Variants in HMX1 observed in about 807,000 individuals in gnomAD.
The protein encoded by HMX1 is H6 family homeobox 1, also known as homeobox protein HMX1.
A neutral mutation model predicts 8.9 loss-of-function variants in HMX1; 8 were observed. The ratio of observed to expected loss-of-function variants is 0.90; its 90% confidence interval spans 0.53 to 1.63. The LOEUF is 1.63. Ranked by LOEUF, HMX1 falls within the 40% of genes most tolerant of loss-of-function variation. The pLI is 0.00. For missense variants in HMX1, 621 were observed against 558.5 expected (o/e 1.11, Z -1.13); for synonymous variants, 311 against 283.4 (o/e 1.10, Z -0.98).
chr4:8,867,842 CCGGGGGCCCAG>C lies in HMX1; in HGVS notation c.887_897del (p.Ala296GlyfsTer80). 1 of 1,235,838 alleles carries C rather than the reference CCGGGGGCCCAG, an allele frequency of 8.1e-7. No homozygotes were observed. The highest frequency in any genetic ancestry group is 1.0e-6 in the Non-Finnish European group (1 of 991,556). 76.6% of individuals were successfully genotyped at this position (1,235,838 alleles called of 1,614,324 possible). ...GGCGCCAGCGGGAAGGGCAGGGTGG[CCGGGGGCCCAG>C]CGGCGGCTGCGGCCGGGGGGCTTTC... On this transcript the variant is annotated frameshift_variant, in exon 2 of 2. Coordinates refer to ENST00000400677, the MANE Select transcript of HMX1 (RefSeq NM_018942.3). LOFTEE classifies it low-confidence loss of function (END_TRUNC).
intron 1 of HMX1, among the ~76,000 whole-genome samples, chr4:8,856,840 A>G (rs996335624): frequency 6.6e-6 from 1 of 152,176 alleles, no homozygotes; most frequent in Non-Finnish European, 1.5e-5. Flanking sequence ...TGTAATCCCA[A>G]CACTTGGGGA....
intron 1 of HMX1, chr4:8,846,378 G>T: frequency 1.5e-6 from 2 of 1,372,772 alleles, no homozygotes; most frequent in Non-Finnish European, 2.0e-6. Context: ...TGCACAAGGT[G>T]TCAGCTAATC....
At chr4:8,865,229 G>A (rs1443550076), downstream of HMX1, among the ~76,000 whole-genome samples, 1 of 152,204 alleles carries the variant, frequency 6.6e-6, no homozygotes, top group African/African-American at 2.4e-5. Flanking sequence ...ACACAACCTT[G>A]GGACTGCACC....
chr4:8,849,944 G>A lies in HMX1; in HGVS notation c.395-3620C>T, dbSNP rs925831794. The stretch of plus-strand genomic sequence containing the variant: ...GGGACACAGGTGGGCAGGTGACAAA[G>A]GAAGTGGCCAAGGGTGTGTCCCAAA... On this transcript the variant is annotated intron_variant, in intron 1 of 1. Transcript: ENST00000506970. The surrounding 1 kb of genome is among the most constrained non-coding windows in gnomAD (Gnocchi z 6.6). Among the ~76,000 whole-genome samples the A allele has an allele frequency of 3.3e-5, 5 of 152,316 alleles. No homozygotes were observed. The highest frequency in any genetic ancestry group is 5.9e-5 in the Non-Finnish European group (4 of 68,024).
At position 8,867,692 on chromosome 4, in the gene HMX1, C is replaced by T; in HGVS notation, c.*1G>A. 1 of 1,254,144 alleles carries T rather than the reference C, an allele frequency of 8.0e-7. No individual in the cohort carries two copies. The highest frequency in any genetic ancestry group is 1.0e-6 in the Non-Finnish European group (1 of 1,001,850). The allele number at this position is 1,254,144 out of a possible 1,614,324, so 77.7% of individuals were successfully genotyped here. On this transcript the variant is annotated 3_prime_UTR_variant, in exon 2 of 2. Coordinates refer to ENST00000400677, the MANE Select transcript of HMX1 (RefSeq NM_018942.3). The stretch of plus-strand genomic sequence containing the variant: ...TGGGGAGAGGGCCCGGCAGGCGGGG[C>T]TCACACCAGGCCAGGCATCTGCGCC...
intron 1 of HMX1, among the ~76,000 whole-genome samples, chr4:8,869,495 T>C (rs1256957771): frequency 6.6e-6 from 1 of 152,228 alleles, no homozygotes; most frequent in Non-Finnish European, 1.5e-5. Flanking sequence ...GGTGTGTGCC[T>C]GCAGTGTATT....
chr4:8,846,344 G>A, intron 1 of HMX1: 1 of 1,517,966 alleles, frequency 6.6e-7, no homozygotes, highest in Non-Finnish European at 8.8e-7. Flanking sequence ...AGAAAAACCA[G>A]GTATTGGGAG....
chr4:8,857,552 C>T, intron 1 of HMX1, among the ~76,000 whole-genome samples: 1 of 152,196 alleles, frequency 6.6e-6, no homozygotes, highest in Non-Finnish European at 1.5e-5. Context: ...ACCTAGAGCC[C>T]ATCCCTGGCC....
At chr4:8,866,083 T>A (rs1042038856), downstream of HMX1, among the ~76,000 whole-genome samples, 6 of 152,142 alleles carry the variant, frequency 3.9e-5, no homozygotes, top group African/African-American at 1.4e-4. Context: ...CCCCCTGGGC[T>A]TGCTGGAACC....
Position 8,868,187 on chromosome 4 carries a change from C to T in HMX1, c.553G>A (p.Val185Ile). The T allele has an allele frequency of 6.7e-7, 1 of 1,491,032 alleles. No homozygotes were observed. The highest frequency in any genetic ancestry group is 8.9e-7 in the Non-Finnish European group (1 of 1,126,296). 92.4% of individuals were successfully genotyped at this position (1,491,032 alleles called of 1,614,324 possible). A position where few individuals can be genotyped will look rare whatever the true frequency, so the allele number is the denominator to read the frequency against. ...GTEEASELAE[V>I]PAAAGETRGG... ...CGTGTCTCCCCAGCCGCCGCAGGGACCTCGGCCAGCTCCGACGCCTCCTCC... is the reference window on the plus strand; with the variant it reads ...CGTGTCTCCCCAGCCGCCGCAGGGATCTCGGCCAGCTCCGACGCCTCCTCC... The change falls in exon 2 of 2, where the codon GTC becomes ATC. Residue 185 changes from valine (V) to isoleucine (I), a missense_variant. By Grantham distance (29) the Val-to-Ile change is conservative (BLOSUM62 3). Coordinates refer to ENST00000400677, the MANE Select transcript of HMX1 (RefSeq NM_018942.3). The surrounding 1 kb of genome is among the most constrained non-coding windows in gnomAD (Gnocchi z 4.6).
At chr4:8,861,468 G>C (rs376024317) in intron 1 of HMX1, among the ~76,000 whole-genome samples, 7 of 152,356 alleles carry the variant, frequency 4.6e-5, no homozygotes, top group Admixed American at 2.0e-4. Flanking sequence ...TCGGGAAAGG[G>C]GGGTAGGGAA....
In HMX1 at chr4:8,849,119, C is replaced by G. The variant is rs192772456; in HGVS notation, c.395-2795G>C. On this transcript the variant is annotated intron_variant, in intron 1 of 1. Transcript: ENST00000506970. This position sits in a 1 kb window ranked among gnomAD's most constrained non-coding sequence, Gnocchi z 6.6. ...AGCCTCGATTTTCCCATCTGTGAAACGGGGGTATGAAGTGTGGGATGAAGC... is the reference window on the plus strand; with the variant it reads ...AGCCTCGATTTTCCCATCTGTGAAAGGGGGGTATGAAGTGTGGGATGAAGC... Among the ~76,000 whole-genome samples, 19 of 152,122 alleles carry G rather than the reference C, an allele frequency of 1.2e-4. No individual in the cohort carries two copies. The highest frequency in any genetic ancestry group is 4.1e-4 in the African/African-American group (17 of 41,512).
chr4:8,857,477 A>G (rs1208443857), intron 1 of HMX1, among the ~76,000 whole-genome samples: 8 of 151,370 alleles, frequency 5.3e-5, no homozygotes, highest in Non-Finnish European at 1.0e-4. Context: ...CCCAGGTCTC[A>G]CCCCGAGTTT....
At chr4:8,854,259 G>A (rs2109456555) in intron 1 of HMX1, among the ~76,000 whole-genome samples, 1 of 152,364 alleles carries the variant, frequency 6.6e-6, no homozygotes, top group South Asian at 2.1e-4. Context: ...CAGCTGTGCT[G>A]AGGGCTGGGC....
At chr4:8,851,910 G>A (rs1721459729) in intron 1 of HMX1, among the ~76,000 whole-genome samples, 1 of 152,260 alleles carries the variant, frequency 6.6e-6, no homozygotes, top group African/African-American at 2.4e-5. Context: ...GCAGCGGGCT[G>A]GAGACAGCTC....
At chr4:8,862,478 A>G (rs1560177882), downstream of HMX1, among the ~76,000 whole-genome samples, 1 of 152,236 alleles carries the variant, frequency 6.6e-6, no homozygotes, top group East Asian at 1.9e-4. Context: ...TTAAACCGTG[A>G]CCAATCTAGT....
intron 1 of HMX1, among the ~76,000 whole-genome samples, chr4:8,850,385 C>T (rs1249637107): frequency 6.6e-6 from 1 of 152,154 alleles, no homozygotes; most frequent in Non-Finnish European, 1.5e-5. Flanking sequence ...TCCCCACCGC[C>T]CCGGTCTCCA....
At position 8,868,125 on chromosome 4, in the gene HMX1, C is replaced by T; in HGVS notation, c.615G>A (p.Lys205=). The stretch of plus-strand genomic sequence containing the variant: ...GGCTGCGGGAGAAGACTGTGCGCGT[C>T]TTCTTCTTTCGGCCGCCGCCCACGC... The part of the protein sequence containing the change: ...GVGVGGGRKK[K]TRTVFSRSQV... The change falls in exon 2 of 2, where the codon AAG becomes AAA. Residue 205 remains lysine, a synonymous_variant. Coordinates refer to ENST00000400677, the MANE Select transcript of HMX1 (RefSeq NM_018942.3). This position sits in a 1 kb window ranked among gnomAD's most constrained non-coding sequence, Gnocchi z 4.6. 1.3e-6 allele frequency: 2 copies of T among 1,514,936 alleles called. No homozygotes were observed. Among genetic ancestry groups the T allele is most frequent in the African/African-American group, 1.4e-5 (1 of 70,556 alleles). The allele number at this position is 1,514,936 out of a possible 1,614,324, so 93.8% of individuals were successfully genotyped here. A position where few individuals can be genotyped will look rare whatever the true frequency, so the allele number is the denominator to read the frequency against.
At position 8,871,049 on chromosome 4, in the gene HMX1, C is replaced by A. The variant is rs1231057239; in HGVS notation, c.394+172G>T. On this transcript the variant is annotated intron_variant, in intron 1 of 1. Transcript: ENST00000400677. The surrounding 1 kb of genome is among the most constrained non-coding windows in gnomAD (Gnocchi z 4.8). Reference sequence around the variant, plus strand: ...GCTCCTGCCCCAGAGGGTGGGCCTCCAAACCAGCCCAACCAGGGGCTCCTG... The same window carrying A: ...GCTCCTGCCCCAGAGGGTGGGCCTCAAAACCAGCCCAACCAGGGGCTCCTG... Among the ~76,000 whole-genome samples, 1 of 145,052 alleles carries A rather than the reference C, an allele frequency of 6.9e-6. No individual in the cohort carries two copies. Among genetic ancestry groups the A allele is most frequent in the African/African-American group, 2.5e-5 (1 of 40,192 alleles).
Sources: allele counts gnomAD v4.1 joint callset (sites outside exome capture counted in the v4.1 genomes callset), GRCh38; gene constraint gnomAD v4.1.1; non-coding constraint Gnocchi (gnomAD v3.1); transcripts MANE v1.5; gene names NCBI Gene and HGNC (gene_info 2026-07-23, HGNC 2026-07-21).